Variants in PAPSS1 observed in about 807,000 individuals in gnomAD.
PAPSS1 encodes bifunctional 3'-phosphoadenosine 5'-phosphosulfate synthase 1.
PAPSS1 carries 50 observed loss-of-function variants against 72.0 expected under a neutral mutation model. The observed-to-expected ratio is 0.69, with a 90% CI of 0.55 to 0.88. The LOEUF is 0.88. PAPSS1 is among the 40% of genes least tolerant of loss of function. The pLI is 0.00. For missense variants in PAPSS1, 657 were observed against 782.2 expected, an observed-to-expected ratio of 0.84 and a Z score of 1.91; for synonymous variants, 261 against 263.6, an observed-to-expected ratio of 0.99 and a Z score of 0.09.
rs567613279 is a variant in PAPSS1 at position 107,632,571 on chromosome 4, G to C, written c.1507-711C>G. ...TGCTGCATCCAAAACTAGCCTTGAA[G>C]CCTCTAGTTTCAGGCCTAGTAAGAC... On this transcript the variant is annotated intron_variant, in intron 10 of 11. Transcript: ENST00000265174. 2.6e-5 allele frequency among the ~76,000 whole-genome samples: 4 copies of C among 151,416 alleles called. No individual in the cohort carries two copies. The East Asian group carries it at 7.7e-4, about 29-fold the overall frequency.
intron 10 of PAPSS1, among the ~76,000 whole-genome samples, chr4:107,632,669 G>A (rs62311611): frequency 0.19 from 29,081 of 151,988 alleles, 3,270 homozygotes; most frequent in East Asian, 0.37. Context: ...GACAGTAAAA[G>A]ATCATCTCTA....
At chr4:107,715,580 A>G (rs150764126) in intron 1 of PAPSS1, among the ~76,000 whole-genome samples, 319 of 152,360 alleles carry the variant, frequency 2.1e-3, no homozygotes, top group African/African-American at 7.4e-3. Flanking sequence ...ATATAAGGAG[A>G]CAAGCTGTTT....
chr4:107,618,373 A>AT (rs749711217), intron 11 of PAPSS1, among the ~76,000 whole-genome samples: 11,101 of 143,614 alleles, frequency 0.077, 1,049 homozygotes, highest in African/African-American at 0.23. Context: ...TTGAGATGTG[A>AT]TTTTTTTTTT....
At chr4:107,710,900 T>C (rs1398661753) in intron 1 of PAPSS1, among the ~76,000 whole-genome samples, 4 of 152,246 alleles carry the variant, frequency 2.6e-5, no homozygotes, top group Non-Finnish European at 5.9e-5. Context: ...TACAGCCAAA[T>C]GATGAACCTT....
At chr4:107,635,060 A>G (rs1489630798) in intron 10 of PAPSS1, among the ~76,000 whole-genome samples, 1 of 152,174 alleles carries the variant, frequency 6.6e-6, no homozygotes, top group Non-Finnish European at 1.5e-5. Flanking sequence ...GGCCTCCCAA[A>G]GTGCCAGGAT....
intron 5 of PAPSS1, among the ~76,000 whole-genome samples, chr4:107,663,199 C>T (rs1003347933): frequency 6.6e-6 from 1 of 151,970 alleles, no homozygotes; most frequent in Middle Eastern, 3.2e-3. Flanking sequence ...ATAACATCTT[C>T]AAAACCAACG....
chr4:107,620,463 T>A (rs1725927008), intron 11 of PAPSS1, among the ~76,000 whole-genome samples: 1 of 152,244 alleles, frequency 6.6e-6, no homozygotes, highest in Admixed American at 6.5e-5. Context: ...CATGAAAAAT[T>A]GAATTATCTA....
At chr4:107,704,515 T>G (rs1016381625) in intron 1 of PAPSS1, among the ~76,000 whole-genome samples, 4 of 152,242 alleles carry the variant, frequency 2.6e-5, no homozygotes, top group Non-Finnish European at 2.9e-5. Flanking sequence ...TACGTTGAAG[T>G]ACATTCCTTC....
Position 107,669,251 on chromosome 4 carries a change from A to C in PAPSS1, c.670-9179T>G, listed in dbSNP as rs144220726. Among the ~76,000 whole-genome samples, 545 of 152,324 alleles carry C rather than the reference A, an allele frequency of 3.6e-3. 4 individuals carry two copies. The highest frequency in any genetic ancestry group is 0.012 in the African/African-American group (514 of 41,578). ...GCACAACTGGCATTTCTAAGGATGA[A>C]CTTTGAGCTGAATGTCAGGTATTCA... On this transcript the variant is annotated intron_variant, in intron 5 of 11. Coordinates refer to ENST00000265174, the MANE Select transcript of PAPSS1 (RefSeq NM_005443.5).
intron 11 of PAPSS1, among the ~76,000 whole-genome samples, chr4:107,631,150 C>G (rs545184754): frequency 6.6e-6 from 1 of 152,322 alleles, no homozygotes; most frequent in South Asian, 2.1e-4. Context: ...ATTCCAAAAT[C>G]TGAAGGAATC....
At chr4:107,718,724 C>T (rs1384808733) in intron 1 of PAPSS1, among the ~76,000 whole-genome samples, 26 of 152,170 alleles carry the variant, frequency 1.7e-4, no homozygotes, top group Non-Finnish European at 1.5e-5. Context: ...TAAATGAGTA[C>T]ATAAATGGAC....
intron 11 of PAPSS1, among the ~76,000 whole-genome samples, chr4:107,628,543 T>C (rs1726154166): frequency 6.6e-6 from 1 of 152,198 alleles, no homozygotes; most frequent in Non-Finnish European, 1.5e-5. Flanking sequence ...TAGGCCATAG[T>C]CAATTTCCAA....
At chr4:107,676,576 G>A (rs1055614085) in intron 5 of PAPSS1, among the ~76,000 whole-genome samples, 4 of 152,136 alleles carry the variant, frequency 2.6e-5, no homozygotes, top group Non-Finnish European at 5.9e-5. Context: ...TCATGGGTAG[G>A]AAGAATCAAT....
chr4:107,694,991 T>C (rs1314472738), intron 2 of PAPSS1, among the ~76,000 whole-genome samples: 31 of 151,990 alleles, frequency 2.0e-4, no homozygotes, highest in Admixed American at 2.0e-3. Context: ...TTTGGTTCCA[T>C]ATGAAATTTA....
At chr4:107,628,932 G>C (rs2110300622) in intron 11 of PAPSS1, among the ~76,000 whole-genome samples, 1 of 152,312 alleles carries the variant, frequency 6.6e-6, no homozygotes, top group East Asian at 1.9e-4. Flanking sequence ...TAAACTTACA[G>C]AGTGTACTAC....
chr4:107,702,472 T>C (rs2522427), intron 1 of PAPSS1, among the ~76,000 whole-genome samples: 43,374 of 152,072 alleles, frequency 0.29, 7,227 homozygotes, highest in East Asian at 0.46. Context: ...TTTGTACCCT[T>C]TGACCAACAT....
At chr4:107,653,996 A>G (rs577013357) in intron 8 of PAPSS1, among the ~76,000 whole-genome samples, 1 of 152,328 alleles carries the variant, frequency 6.6e-6, no homozygotes, top group Non-Finnish European at 1.5e-5. Flanking sequence ...ATTAATGATC[A>G]TCGAGTTCGA....
chr4:107,703,262 AT>A (rs1723250163), intron 1 of PAPSS1, among the ~76,000 whole-genome samples: 1 of 152,014 alleles, frequency 6.6e-6, no homozygotes, highest in Admixed American at 6.6e-5. Flanking sequence ...TTAACCCCTT[AT>A]CAGATGTATG....
chr4:107,686,989 G>A, intron 4 of PAPSS1, 50 bp downstream of exon 4: 1 of 1,506,350 alleles, frequency 6.6e-7, no homozygotes, highest in Non-Finnish European at 9.1e-7. Context: ...CTAGATATGG[G>A]AACATAAAAT....
Sources: allele counts gnomAD v4.1 joint callset (sites outside exome capture counted in the v4.1 genomes callset), GRCh38; gene constraint gnomAD v4.1.1; transcripts MANE v1.5; gene names NCBI Gene and HGNC (gene_info 2026-07-23, HGNC 2026-07-21).